Variants in AK3 observed in about 807,000 individuals in gnomAD.
AK3 encodes the protein adenylate kinase 3.
A neutral mutation model predicts 23.7 loss-of-function variants in AK3; 27 were observed. That is an observed-to-expected ratio of 1.14 (90% CI 0.84 to 1.57). The LOEUF (loss-of-function observed/expected upper bound fraction) is 1.57, where lower values mean the gene tolerates loss of function less well. Ranked by LOEUF, AK3 falls within the 40% of genes most tolerant of loss-of-function variation. The pLI, the probability that AK3 is intolerant of heterozygous loss-of-function variation, is 0.00. For synonymous variants in AK3, 159 were observed against 116.0 expected, an observed-to-expected ratio of 1.37 and a Z score of -2.38; for missense variants, 406 against 285.6, an observed-to-expected ratio of 1.42 and a Z score of -3.04.
At chr9:4,714,125 T>C (rs1280309682) in intron 4 of AK3, among the ~76,000 whole-genome samples, 1 of 106,422 alleles carries the variant, frequency 9.4e-6, no homozygotes, top group African/African-American at 3.5e-5. Flanking sequence ...CACCTCCACA[T>C]ATACACACCT....
chr9:4,732,357 G>T (rs150051526), intron 1 of AK3, among the ~76,000 whole-genome samples: 1 of 152,128 alleles, frequency 6.6e-6, no homozygotes, highest in Non-Finnish European at 1.5e-5. Flanking sequence ...TATGCTATTG[G>T]TAAGGCTCCT....
At chr9:4,715,741 C>G (rs1463664151) in intron 4 of AK3, among the ~76,000 whole-genome samples, 1 of 152,046 alleles carries the variant, frequency 6.6e-6, no homozygotes, top group East Asian at 1.9e-4. Context: ...CCCAACAACC[C>G]CTGGTACTTC....
At chr9:4,719,583 G>C (rs1841838176) in intron 2 of AK3, among the ~76,000 whole-genome samples, 1 of 152,110 alleles carries the variant, frequency 6.6e-6, no homozygotes, top group Admixed American at 6.5e-5. Context: ...CATGTAAATA[G>C]GCAGACTGAT....
At chr9:4,735,754 C>A (rs1295303788) in intron 1 of AK3, among the ~76,000 whole-genome samples, 9 of 147,044 alleles carry the variant, frequency 6.1e-5, no homozygotes, top group African/African-American at 2.0e-4. Flanking sequence ...CAGGTGTGAG[C>A]CACCATGCCT....
rs748919341 is a variant in AK3, at chr9:4,722,609, G to C, written c.168C>G (p.Ala56=). 6.2e-7 allele frequency: 1 copy of C among 1,614,120 alleles called. No individual in the cohort carries two copies. The highest frequency in any genetic ancestry group is 1.7e-5 in the Admixed American group (1 of 60,018). Reference sequence around the variant, plus strand: ...GTTTCCCTTGGTCAATGAAAGCCTTGGCTAACACGCCAATTTCTACAGCAA... The same window carrying C: ...GTTTCCCTTGGTCAATGAAAGCCTTCGCTAACACGCCAATTTCTACAGCAA... ...MLRGTEIGVL[A]KAFIDQGKLI... Residue 56 remains alanine, a synonymous_variant, in exon 2 of 5, where the codon GCC becomes GCG. Coordinates refer to ENST00000381809, the MANE Select transcript of AK3 (RefSeq NM_016282.4).
At chr9:4,720,845 G>A (rs957393092) in intron 2 of AK3, among the ~76,000 whole-genome samples, 3 of 152,100 alleles carry the variant, frequency 2.0e-5, no homozygotes, top group African/African-American at 4.8e-5. Flanking sequence ...CAATGATAAC[G>A]ACTAAAACTA....
chr9:4,725,227 T>C (rs1170235285), intron 1 of AK3, among the ~76,000 whole-genome samples: 2 of 151,782 alleles, frequency 1.3e-5, no homozygotes, highest in Non-Finnish European at 2.9e-5. Context: ...TTTCACCATG[T>C]TGGCCAGGCT....
rs10974747 is a variant in AK3 at position 4,720,875 on chromosome 9, C to T, written c.272-1568G>A. 2.2e-4 allele frequency among the ~76,000 whole-genome samples: 34 copies of T among 152,230 alleles called. 1 individual carries two copies. In the East Asian group the frequency reaches 3.9e-3, roughly 17 times the overall value. Reference sequence around the variant, plus strand: ...AAACTATACCCAGGAAACCTGGATTCGGGAGAAATAATGGCCCTTTCCTGG... The same window carrying T: ...AAACTATACCCAGGAAACCTGGATTTGGGAGAAATAATGGCCCTTTCCTGG... On this transcript the variant is annotated intron_variant, in intron 2 of 4. Transcript: ENST00000381809.
rs1841506728 is a variant in AK3 at position 4,709,935 on chromosome 9, T to C, written c.*3041A>G. On this transcript the variant is annotated 3_prime_UTR_variant, in exon 5 of 5. Coordinates refer to ENST00000381809, the MANE Select transcript of AK3 (RefSeq NM_016282.4). ...CATAATTTGAGATCTATAATTACAA[T>C]GATTTGTTGTTAGTATAGGGCAGTT... 6.6e-6 allele frequency: 1 copy of C among 152,160 alleles called. No homozygotes were observed. The highest frequency in any genetic ancestry group is 1.5e-5 in the Non-Finnish European group (1 of 68,032). 9.4% of individuals were successfully genotyped at this position (152,160 alleles called of 1,614,324 possible). A position where few individuals can be genotyped will look rare whatever the true frequency, so the allele number is the denominator to read the frequency against.
At chr9:4,729,320 T>C (rs1039443356) in intron 1 of AK3, among the ~76,000 whole-genome samples, 1 of 152,064 alleles carries the variant, frequency 6.6e-6, no homozygotes, top group Non-Finnish European at 1.5e-5. Flanking sequence ...TAAATAAAAT[T>C]TTTTAAATTT....
intron 2 of AK3, among the ~76,000 whole-genome samples, chr9:4,722,226 CTTCTGT>C (rs1249725785): frequency 2.0e-5 from 3 of 152,182 alleles, no homozygotes; most frequent in African/African-American, 7.2e-5. Flanking sequence ...GGTCTTGCTT[CTTCTGT>C]GGTGATCCTC....
At chr9:4,722,692 C>T (rs369322522) in intron 1 of AK3, 67 bp from the exon 2 acceptor site, 14 of 1,599,964 alleles carry the variant, frequency 8.8e-6, no homozygotes, top group African/African-American at 1.3e-5. Flanking sequence ...CACCTCGGAA[C>T]GAGTTGCCTA....
intron 2 of AK3, among the ~76,000 whole-genome samples, chr9:4,721,759 C>G (rs1281487913): frequency 6.6e-6 from 1 of 152,174 alleles, no homozygotes; most frequent in Non-Finnish European, 1.5e-5. Flanking sequence ...GCCTCTGGCC[C>G]ACATCAACTT....
intron 1 of AK3, among the ~76,000 whole-genome samples, chr9:4,740,303 T>G (rs1017536532): frequency 2.7e-5 from 4 of 150,168 alleles, no homozygotes; most frequent in South Asian, 2.1e-4. Flanking sequence ...CGTGCCGAGC[T>G]GTAAGAATTT....
At chr9:4,724,531 G>C (rs558643710) in intron 1 of AK3, among the ~76,000 whole-genome samples, 1 of 152,212 alleles carries the variant, frequency 6.6e-6, no homozygotes, top group South Asian at 2.1e-4. Context: ...GAAATAGAAA[G>C]CATCCAGAAA....
intron 1 of AK3, among the ~76,000 whole-genome samples, chr9:4,723,650 G>A (rs2130888990): frequency 6.6e-6 from 1 of 152,114 alleles, no homozygotes; most frequent in South Asian, 2.1e-4. Context: ...TTGTCACTTA[G>A]CATTATTTAA....
intron 4 of AK3, among the ~76,000 whole-genome samples, chr9:4,717,439 T>C (rs1447296018): frequency 1.3e-5 from 2 of 152,184 alleles, no homozygotes; most frequent in East Asian, 1.9e-4. Context: ...GCCAATTACA[T>C]AGTCTGAGGG....
rs555828595 is a variant in AK3, at chr9:4,717,605, T to G, written c.563+814A>C. Among the ~76,000 whole-genome samples the G allele has an allele frequency of 1.2e-4, 18 of 152,320 alleles. 1 individual carries two copies. The highest frequency in any genetic ancestry group is 4.1e-4 in the African/African-American group (17 of 41,576). On this transcript the variant is annotated intron_variant, in intron 4 of 4. Transcript: ENST00000381809. Reference sequence around the variant, plus strand: ...TTATTCAATGCAGGATTTTTCAGCTTTATGATGGTGCGAAAGCAACATGCA... The same window carrying G: ...TTATTCAATGCAGGATTTTTCAGCTGTATGATGGTGCGAAAGCAACATGCA...
intron 1 of AK3, among the ~76,000 whole-genome samples, chr9:4,735,270 T>TATACACAA (rs1554628165): frequency 8.8e-5 from 3 of 34,080 alleles, no homozygotes; most frequent in Non-Finnish European, 1.6e-4. Context: ...TAAATATATA[T>TATACACAA]ATAAATATAT....
Sources: gnomAD v4.1 joint callset for allele counts (sites outside exome capture counted in the v4.1 genomes callset) on GRCh38, gnomAD v4.1.1 for gene constraint, MANE v1.5 for transcripts, NCBI Gene and HGNC (gene_info 2026-07-23, HGNC 2026-07-21) for gene names.